The following GCLC variants were observed in gnomAD, a reference collection of about 807,000 sequenced individuals.
The protein encoded by GCLC is glutamate--cysteine ligase catalytic subunit.
In GCLC, 30 loss-of-function variants were observed where a neutral mutation model predicts 81.5. The ratio of observed to expected loss-of-function variants is 0.37; its 90% CI spans 0.28 to 0.50. GCLC has a LOEUF of 0.50. Among genes scored for constraint, GCLC ranks in the 20% least tolerant of loss-of-function variants. The pLI is 0.96. For missense variants in GCLC, 556 were observed against 777.4 expected (o/e 0.72, Z 3.39); for synonymous variants, 262 against 273.3 (o/e 0.96, Z 0.41).
chr6:53,507,685 G>A, intron 8 of GCLC, 67 bp from the exon 9 acceptor site: 1 of 657,242 alleles, frequency 1.5e-6, no homozygotes, highest in Non-Finnish European at 2.4e-6. Flanking sequence ...TTTTATATAT[G>A]ATAATTATAT....
rs184976767 is a variant in GCLC, at chr6:53,506,260, C to G, written c.1198-365G>C. ...ACACTGGACACTTTCATCTGAGAAC[C>G]CTGTCACATGACAGTTGTTTCCTTT... On this transcript the variant is annotated intron_variant, in intron 10 of 15. Transcript: ENST00000650454. The surrounding 1 kb of genome is among the most constrained non-coding windows in gnomAD (Gnocchi z 4.0). 34 of 320,774 alleles carry G rather than the reference C, an allele frequency of 1.1e-4. No homozygotes were observed. Among genetic ancestry groups the G allele is most frequent in the Non-Finnish European group, 1.7e-4 (28 of 166,774 alleles). The allele number at this position is 320,774 out of a possible 1,614,324, so 19.9% of individuals were successfully genotyped here.
In GCLC at chr6:53,523,322, C is replaced by T. The variant is rs1406170251; in HGVS notation, c.151-795G>A. 4 of 152,202 alleles carry T rather than the reference C, an allele frequency of 2.6e-5. No homozygotes were observed. In the East Asian group the frequency reaches 7.7e-4, roughly 29 times the overall value. The allele number at this position is 152,202 out of a possible 1,614,324, so 9.4% of individuals were successfully genotyped here. ...GGCGTGAGCAGTGAAGATTATGAAT[C>T]ACTGTGTGTGATGGAAACAAAACAT... is the stretch of plus-strand genomic sequence containing the variant. On this transcript the variant is annotated intron_variant, in intron 1 of 15. Transcript: ENST00000650454.
chr6:53,544,478 G>A lies in GCLC; in HGVS notation c.150+18C>T. The A allele has an allele frequency of 2.5e-6, 4 of 1,604,604 alleles. No homozygotes were observed. The highest frequency in any genetic ancestry group is 3.4e-6 in the Non-Finnish European group (4 of 1,179,164). ...CAGACACGGGTGCCCGGCGGGGACGGGGACCGCGGGCGCTCACCTCATCGC... is the reference window on the plus strand; with the variant it reads ...CAGACACGGGTGCCCGGCGGGGACGAGGACCGCGGGCGCTCACCTCATCGC... On this transcript the variant is annotated intron_variant, in intron 1 of 15. Transcript: ENST00000650454.
Position 53,520,911 on chromosome 6 carries a change from T to C in GCLC, c.313A>G (p.Thr105Ala). The change falls in exon 3 of 16, where the codon ACA becomes GCA. Residue 105 changes from threonine (T) to alanine (A), a missense_variant. Coordinates refer to ENST00000650454, the MANE Select transcript of GCLC (RefSeq NM_001498.4). Reference protein sequence around the residue: ...PEYGSYMIEGTPGQPYGGTMS... With the variant: ...PEYGSYMIEGAPGQPYGGTMS... ...GTTCCTCCGTAGGGCTGTCCTGGTG[T>C]CCCTTCAATCATGTAACTCCCATAC... The C allele has an allele frequency of 6.2e-7, 1 of 1,614,030 alleles. No individual in the cohort carries two copies. Among genetic ancestry groups the C allele is most frequent in the Non-Finnish European group, 8.5e-7 (1 of 1,179,882 alleles).
chr6:53,505,194 T>C (rs1362615977), intron 12 of GCLC, 198 bp downstream of exon 12: 1 of 550,088 alleles, frequency 1.8e-6, no homozygotes, highest in East Asian at 3.2e-5. Flanking sequence ...CTTCTAGCCA[T>C]CAATCATCTT....
chr6:53,500,319 C>CTTGCCACAACCATCCACCACTGCA lies in GCLC; in HGVS notation c.1485_1508dup (p.Asn495_Gly502dup), dbSNP rs764262886. ...CAGCGAGCTCCGTGCTGTTCTGGGCCTTGCCACAACCATCCACCACTGCAT... is the reference window on the plus strand; with the variant it reads ...CAGCGAGCTCCGTGCTGTTCTGGGCCTTGCCACAACCATCCACCACTGCATTGCCACAACCATCCACCACTGCAT... On this transcript the variant is annotated inframe_insertion, in exon 14 of 16. Coordinates refer to ENST00000650454, the MANE Select transcript of GCLC (RefSeq NM_001498.4). The CTTGCCACAACCATCCACCACTGCA allele has an allele frequency of 1.6e-5, 26 of 1,614,196 alleles. No individual in the cohort carries two copies. The East Asian group carries it at 5.8e-4, about 36-fold the overall frequency.
intron 1 of GCLC, among the ~76,000 whole-genome samples, chr6:53,539,363 A>T (rs1733621527): frequency 6.6e-6 from 1 of 152,192 alleles, no homozygotes; most frequent in Admixed American, 6.5e-5. Flanking sequence ...TAAAGGTGAA[A>T]CAGGCATCTG....
At position 53,508,627 on chromosome 6, in the gene GCLC, C is replaced by T; in HGVS notation, c.913G>A (p.Asp305Asn). The T allele has an allele frequency of 6.2e-7, 1 of 1,612,442 alleles. No homozygotes were observed. Among genetic ancestry groups the T allele is most frequent in the Non-Finnish European group, 8.5e-7 (1 of 1,178,472 alleles). ...CRWGVISASV[D>N]DRTREERGLE... The stretch of plus-strand genomic sequence containing the variant: ...CCTCGCTCCTCCCGAGTTCTATCAT[C>T]TACAGATGCAGAAATCACTCCCCAG... Residue 305 changes from aspartate to asparagine, a missense_variant, in exon 8 of 16, where the codon GAT (aspartate) becomes AAT (asparagine). This residue lies in a region of GCLC where 313 missense variants were observed against 437.3 expected (regional missense o/e 0.72). Coordinates refer to ENST00000650454, the MANE Select transcript of GCLC (RefSeq NM_001498.4).
Position 53,498,396 on chromosome 6 carries a change from T to A in GCLC, c.*360A>T, listed in dbSNP as rs559826873. 209 of 203,774 alleles carry A rather than the reference T, an allele frequency of 1.0e-3. No individual in the cohort carries two copies. Among genetic ancestry groups the A allele is most frequent in the Non-Finnish European group, 1.8e-3 (179 of 100,002 alleles). 12.6% of individuals were successfully genotyped at this position (203,774 alleles called of 1,614,324 possible). A position where few individuals can be genotyped will look rare whatever the true frequency, so the allele number is the denominator to read the frequency against. ...CAGGTAGTCTTTAAAAGAACAAAAATTTACAGTAAACATTTTAACTCTGGA... is the reference window on the plus strand; with the variant it reads ...CAGGTAGTCTTTAAAAGAACAAAAAATTACAGTAAACATTTTAACTCTGGA... On this transcript the variant is annotated 3_prime_UTR_variant, in exon 16 of 16. Transcript: ENST00000650454.
chr6:53,527,564 T>C (rs537663007), intron 1 of GCLC, among the ~76,000 whole-genome samples: 5 of 152,238 alleles, frequency 3.3e-5, no homozygotes, highest in African/African-American at 1.2e-4. Flanking sequence ...GTGCTGGGAA[T>C]ACTGTGAAGA....
At chr6:53,523,478 C>T (rs1763032486) in intron 1 of GCLC, among the ~76,000 whole-genome samples, 1 of 152,168 alleles carries the variant, frequency 6.6e-6, no homozygotes. Flanking sequence ...AACCAGGCTA[C>T]AGTGTATTTG....
At chr6:53,516,071 T>C (rs1311105957) in intron 4 of GCLC, 38 bp downstream of exon 4, 6 of 1,164,332 alleles carry the variant, frequency 5.2e-6, no homozygotes, top group Non-Finnish European at 6.5e-6. Context: ...AGGGGTCTAG[T>C]GAAGGGCATC....
At chr6:53,536,963 A>G (rs1019466274) in intron 1 of GCLC, among the ~76,000 whole-genome samples, 4 of 152,174 alleles carry the variant, frequency 2.6e-5, no homozygotes, top group African/African-American at 9.7e-5. Context: ...CATAACCTCT[A>G]CTTTTTGAGA....
intron 1 of GCLC, among the ~76,000 whole-genome samples, chr6:53,534,470 G>GAAAACCC (rs1554155265): frequency 1.3e-5 from 1 of 74,136 alleles, no homozygotes; most frequent in Non-Finnish European, 2.6e-5. Flanking sequence ...CCTCCTACCT[G>GAAAACCC]AAAAACCAAA....
chr6:53,505,160 G>A, intron 12 of GCLC: 1 of 483,662 alleles, frequency 2.1e-6, no homozygotes, highest in East Asian at 3.8e-5. Context: ...ATTTTGTGGT[G>A]GATGAAATCA....
chr6:53,506,990 G>T lies in GCLC; in HGVS notation c.1120C>A (p.Leu374Ile). 6.2e-7 allele frequency: 1 copy of T among 1,610,852 alleles called. No homozygotes were observed. Among genetic ancestry groups the T allele is most frequent in the Non-Finnish European group, 8.5e-7 (1 of 1,177,026 alleles). Residue 374 changes from leucine to isoleucine, a missense_variant, in exon 10 of 16, where the codon CTC (leucine) becomes ATC (isoleucine). Leu to Ile is a conservative substitution (Grantham distance 5). Coordinates refer to ENST00000650454, the MANE Select transcript of GCLC (RefSeq NM_001498.4). The surrounding 1 kb of genome is among the most constrained non-coding windows in gnomAD (Gnocchi z 4.0). ...AGTGTCAGTGGGTCTCTAATAAAGA[G>T]ATGAGCAACATGCTGGGCCAGGAGA... Reference protein sequence around the residue: ...DHLLAQHVAHLFIRDPLTLFE... With the variant: ...DHLLAQHVAHIFIRDPLTLFE...
rs903936713 is a variant in GCLC, at chr6:53,542,106, C to T, written c.150+2390G>A. Among the ~76,000 whole-genome samples, 3 of 152,188 alleles carry T rather than the reference C, an allele frequency of 2.0e-5. No homozygotes were observed. In the East Asian group the frequency reaches 5.8e-4, roughly 29 times the overall value. On this transcript the variant is annotated intron_variant, in intron 1 of 15. Coordinates refer to ENST00000650454, the MANE Select transcript of GCLC (RefSeq NM_001498.4). ...TCCTGGGCTCAAGCAATCCTCCTGC[C>T]TGGGCCTTCCAAAGTGTTGGGATTA... is the stretch of plus-strand genomic sequence containing the variant.
intron 1 of GCLC, among the ~76,000 whole-genome samples, chr6:53,528,197 T>C (rs1763115681): frequency 2.0e-5 from 3 of 152,210 alleles, no homozygotes; most frequent in African/African-American, 7.2e-5. Context: ...AAAGAGGAGC[T>C]GTGTTTTAAA....
At position 53,501,526 on chromosome 6, in the gene GCLC, G is replaced by A. The variant is rs143383759; in HGVS notation, c.1396-1013C>T. On this transcript the variant is annotated intron_variant, in intron 12 of 15. Coordinates refer to ENST00000650454, the MANE Select transcript of GCLC (RefSeq NM_001498.4). ...GTAGTAATCCCTTATTTTCTATAAT[G>A]AAATCTTATGTGGGACCTCAATATA... 7.9e-3 allele frequency among the ~76,000 whole-genome samples: 1,201 copies of A among 152,302 alleles called. 19 individuals are homozygous for A. The highest frequency in any genetic ancestry group is 0.028 in the African/African-American group (1,160 of 41,578).
Sources: gnomAD v4.1 joint callset for allele counts (sites outside exome capture counted in the v4.1 genomes callset) on GRCh38, gnomAD v4.1.1 for gene constraint, gnomAD v4.1.1 regional missense constraint, Gnocchi (gnomAD v3.1) non-coding constraint, MANE v1.5 for transcripts, NCBI Gene and HGNC (gene_info 2026-07-23, HGNC 2026-07-21) for gene names.